The following ACYP2 variants were observed in gnomAD, a reference collection of about 807,000 sequenced individuals.
The protein encoded by ACYP2 is acylphosphatase-2.
In ACYP2, 12 loss-of-function variants were observed where a neutral mutation model predicts 11.2. The observed-to-expected ratio is 1.08, with a 90% confidence interval of 0.69 to 1.74. The LOEUF is 1.74. Ranked by LOEUF, ACYP2 falls within the 40% of genes most tolerant of loss-of-function variation. ACYP2 has a pLI of 0.00. For missense variants in ACYP2, 134 were observed against 101.9 expected (o/e 1.31, Z -1.35); for synonymous variants, 43 against 32.2 (o/e 1.33, Z -1.13).
intron 6 of ACYP2, among the ~76,000 whole-genome samples, chr2:54,219,829 A>ATATATATATGTGTGTATGTGTG (rs1685710573): frequency 7.1e-6 from 1 of 141,126 alleles, no homozygotes; most frequent in African/African-American, 2.6e-5. Flanking sequence ...GTGTGTGTGT[A>ATATATATATGTGTGTATGTGTG]TATATATGTG....
intron 6 of ACYP2, among the ~76,000 whole-genome samples, chr2:54,241,635 G>A (rs1426998489): frequency 2.6e-5 from 4 of 152,156 alleles, no homozygotes. Context: ...CTTGAATGAT[G>A]TAATAAAGTT....
chr2:53,989,849 G>A (rs571142444), intron 2 of ACYP2, among the ~76,000 whole-genome samples: 19 of 152,202 alleles, frequency 1.2e-4, no homozygotes, highest in African/African-American at 4.3e-4. Flanking sequence ...GTCCTATGTT[G>A]GTGGTGGCAG....
chr2:54,292,925 G>T (rs560218287), intron 6 of ACYP2, among the ~76,000 whole-genome samples: 1 of 152,252 alleles, frequency 6.6e-6, no homozygotes, highest in East Asian at 1.9e-4. Flanking sequence ...TATTTTGTAA[G>T]TACCTAATTC....
intron 6 of ACYP2, among the ~76,000 whole-genome samples, chr2:54,266,308 C>G (rs1204934650): frequency 6.6e-6 from 1 of 152,056 alleles, no homozygotes; most frequent in African/African-American, 2.4e-5. Context: ...ATGCCCATGC[C>G]CTTTCAAAAA....
chr2:54,118,991 G>A (rs1237505399), intron 4 of ACYP2, among the ~76,000 whole-genome samples: 2 of 151,180 alleles, frequency 1.3e-5, no homozygotes, highest in Non-Finnish European at 2.9e-5. Context: ...TGAGGCGTGG[G>A]GAAGTAACTT....
At chr2:54,109,872 A>G (rs900613274) in intron 4 of ACYP2, among the ~76,000 whole-genome samples, 2 of 152,110 alleles carry the variant, frequency 1.3e-5, no homozygotes, top group Admixed American at 6.5e-5. Context: ...TAATGAACCA[A>G]TATCAATATC....
intron 6 of ACYP2, among the ~76,000 whole-genome samples, chr2:54,261,292 A>G (rs1197166865): frequency 6.6e-6 from 1 of 152,188 alleles, no homozygotes; most frequent in Non-Finnish European, 1.5e-5. Context: ...TTCTGGCTAT[A>G]ATTTTTTTTT....
intron 4 of ACYP2, among the ~76,000 whole-genome samples, chr2:54,069,600 T>A (rs1297140068): frequency 6.6e-6 from 1 of 152,042 alleles, no homozygotes; most frequent in African/African-American, 2.4e-5. Flanking sequence ...AGGCGGAGCT[T>A]GCAGTGAGCC....
At chr2:54,281,152 T>C (rs1393429145) in intron 6 of ACYP2, among the ~76,000 whole-genome samples, 2 of 152,274 alleles carry the variant, frequency 1.3e-5, no homozygotes, top group Non-Finnish European at 2.9e-5. Flanking sequence ...CTATATATTA[T>C]CAACTCCAGT....
chr2:54,175,519 A>G (rs184290948), intron 6 of ACYP2, among the ~76,000 whole-genome samples: 232 of 151,632 alleles, frequency 1.5e-3, no homozygotes, highest in African/African-American at 5.3e-3. Context: ...CATTTTTTGT[A>G]TCTCTATCTC....
chr2:54,269,148 A>G (rs952042666), intron 6 of ACYP2, among the ~76,000 whole-genome samples: 1 of 152,160 alleles, frequency 6.6e-6, no homozygotes, highest in African/African-American at 2.4e-5. Flanking sequence ...GGGGCTCACT[A>G]TGTTGCCCAG....
At chr2:54,096,898 CG>C (rs939970573) in intron 4 of ACYP2, among the ~76,000 whole-genome samples, 1 of 152,038 alleles carries the variant, frequency 6.6e-6, no homozygotes, top group East Asian at 1.9e-4. Flanking sequence ...AAAATAGAGA[CG>C]GGGTCTTGCT....
chr2:54,090,990 A>G (rs1467394487), intron 4 of ACYP2, among the ~76,000 whole-genome samples: 1 of 152,252 alleles, frequency 6.6e-6, no homozygotes, highest in Non-Finnish European at 1.5e-5. Context: ...CTTGGACACA[A>G]TGAACGCTGA....
chr2:53,991,529 C>T (rs1672293742), intron 2 of ACYP2, among the ~76,000 whole-genome samples: 1 of 151,908 alleles, frequency 6.6e-6, no homozygotes, highest in South Asian at 2.1e-4. Context: ...CTTCAGCCTC[C>T]TGAGTAGCTG....
intron 2 of ACYP2, among the ~76,000 whole-genome samples, chr2:54,027,383 C>A (rs569642785): frequency 6.6e-6 from 1 of 152,198 alleles, no homozygotes; most frequent in Non-Finnish European, 1.5e-5. Flanking sequence ...TGCCCTGTAT[C>A]CCAGGGAAGA....
intron 2 of ACYP2, among the ~76,000 whole-genome samples, chr2:54,034,908 G>A (rs879363511): frequency 6.6e-6 from 1 of 151,064 alleles, no homozygotes; most frequent in Admixed American, 6.6e-5. Context: ...TACTCAGGAG[G>A]CTGAGGCAGG....
chr2:54,205,953 A>G (rs560405951), intron 6 of ACYP2, among the ~76,000 whole-genome samples: 148 of 152,204 alleles, frequency 9.7e-4, no homozygotes, highest in Middle Eastern at 3.4e-3. Flanking sequence ...TATTTCCTGG[A>G]TATTTATGGC....
intron 2 of ACYP2, among the ~76,000 whole-genome samples, chr2:53,982,358 C>T (rs977190294): frequency 1.1e-4 from 16 of 152,164 alleles, no homozygotes; most frequent in African/African-American, 3.4e-4. Context: ...TATCAAATCC[C>T]TAGTTCTCCA....
chr2:54,007,323 G>A (rs1180099484), intron 2 of ACYP2, among the ~76,000 whole-genome samples: 1 of 147,250 alleles, frequency 6.8e-6, no homozygotes, highest in Non-Finnish European at 1.5e-5. Context: ...GCACAATCTC[G>A]GCTCACCGCA....
Sources: allele counts gnomAD v4.1 joint callset (sites outside exome capture counted in the v4.1 genomes callset), GRCh38; gene constraint gnomAD v4.1.1; transcripts MANE v1.5; gene names NCBI Gene and HGNC (gene_info 2026-07-23, HGNC 2026-07-21).